Variants in NAV1 observed in about 807,000 individuals in gnomAD.
NAV1 encodes neuron navigator 1.
Under a neutral mutation model 175.2 loss-of-function variants are expected in NAV1, and 18 were observed. That is an observed-to-expected ratio of 0.10 (90% CI 0.07 to 0.15). The LOEUF is 0.15. Among genes scored for constraint, NAV1 ranks in the 10% least tolerant of loss-of-function variants. The pLI is 1.00. For synonymous variants in NAV1, 897 were observed against 978.7 expected (o/e 0.92, Z 1.56); for missense variants, 1,731 against 2,436.6 (o/e 0.71, Z 6.10).
intron 2 of NAV1, among the ~76,000 whole-genome samples, chr1:201,602,072 A>G (rs1667530727): frequency 6.6e-6 from 1 of 151,868 alleles, no homozygotes; most frequent in African/African-American, 2.4e-5. Flanking sequence ...GGTTTTTCAA[A>G]AGTCCACCTT....
chr1:201,590,809 G>A (rs1318089845), intron 2 of NAV1, among the ~76,000 whole-genome samples: 1 of 152,182 alleles, frequency 6.6e-6, no homozygotes, highest in African/African-American at 2.4e-5. Context: ...GGGAAGGAGT[G>A]GCTGTGTGGA....
chr1:201,691,805 A>G (rs1363196259), intron 1 of NAV1, among the ~76,000 whole-genome samples: 1 of 152,224 alleles, frequency 6.6e-6, no homozygotes, highest in Non-Finnish European at 1.5e-5. Flanking sequence ...CCTGATAAAC[A>G]TGGCCATGGT....
At chr1:201,728,611 A>AAG in intron 3 of NAV1, among the ~76,000 whole-genome samples, 1 of 151,760 alleles carries the variant, frequency 6.6e-6, no homozygotes, top group East Asian at 1.9e-4. Context: ...AAAAAAAAAA[A>AAG]AAAAGAAAAG....
At chr1:201,572,647 C>T (rs1484559326) in intron 1 of NAV1, among the ~76,000 whole-genome samples, 1 of 152,022 alleles carries the variant, frequency 6.6e-6, no homozygotes, top group African/African-American at 2.4e-5. Flanking sequence ...GGATTACAGG[C>T]GTGAGCCACC....
chr1:201,783,484 A>G (rs1676475161), exon 7 of NAV1: 1 of 1,614,194 alleles, frequency 6.2e-7, no homozygotes, highest in Non-Finnish European at 8.5e-7. Context: ...TGGATCTACC[A>G]TCATCCAGTG....
chr1:201,705,442 TGCCATTGAGC>T (rs1445516078), intron 1 of NAV1, among the ~76,000 whole-genome samples: 1 of 151,954 alleles, frequency 6.6e-6, no homozygotes, highest in Admixed American at 6.6e-5. Flanking sequence ...ACAACAGGAG[TGCCATTGAGC>T]GCTGGGCTCC....
At chr1:201,704,859 G>C (rs894755803) in intron 1 of NAV1, among the ~76,000 whole-genome samples, 1 of 152,210 alleles carries the variant, frequency 6.6e-6, no homozygotes, top group African/African-American at 2.4e-5. Context: ...AAGCTGGGTA[G>C]GGGCTTGGGT....
intron 1 of NAV1, among the ~76,000 whole-genome samples, chr1:201,686,554 T>C (rs529080792): frequency 6.6e-6 from 1 of 152,310 alleles, no homozygotes; most frequent in African/African-American, 2.4e-5. Context: ...CTCTAGTGTG[T>C]CCCAGACATT....
At chr1:201,556,463 C>T (rs1304031265) in intron 1 of NAV1, among the ~76,000 whole-genome samples, 1 of 151,638 alleles carries the variant, frequency 6.6e-6, no homozygotes, top group Non-Finnish European at 1.5e-5. Context: ...CCAGTGATTA[C>T]ACCCCAGTTG....
upstream of NAV1, among the ~76,000 whole-genome samples, chr1:201,644,236 T>C (rs1668901437): frequency 6.6e-6 from 1 of 152,142 alleles, no homozygotes; most frequent in Non-Finnish European, 1.5e-5. Flanking sequence ...AGCCTGTCAT[T>C]CTAGAGAAGG....
rs1471766252 is a variant in NAV1 at position 201,782,638 on chromosome 1, G to A, written c.2126G>A (p.Gly709Asp). ...AGTCTCCTCAGCACCAAGCAGGGAG[G>A]CCTTACGCCTTCCAGACTGAAGGAG... The change falls in exon 6 of 30, where the codon GGC (glycine) becomes GAC (aspartate). Residue 709 changes from glycine to aspartate, a missense_variant. Gly to Asp is a moderately conservative substitution (Grantham distance 94). Around this residue, in one of 13 missense-constraint regions of NAV1, gnomAD observed 634 missense variants for 766.8 expected, o/e 0.83. Transcript: ENST00000367296. This position sits in a 1 kb window ranked among gnomAD's most constrained non-coding sequence, Gnocchi z 5.4. 1 of 1,614,082 alleles carries A rather than the reference G, an allele frequency of 6.2e-7. No homozygotes were observed. The highest frequency in any genetic ancestry group is 8.5e-7 in the Non-Finnish European group (1 of 1,180,014).
At chr1:201,802,305 CAAAAAAAAAAAAAA>C (rs34854602) in intron 15 of NAV1, among the ~76,000 whole-genome samples, 2 of 40,056 alleles carry the variant, frequency 5.0e-5, no homozygotes, top group African/African-American at 2.1e-4. Context: ...AACACCTTCT[CAAAAAAAAAAAAAA>C]AAAAAAAAAG....
At chr1:201,677,250 CA>C (rs3053786) in intron 1 of NAV1, among the ~76,000 whole-genome samples, 50,349 of 109,672 alleles carry the variant, frequency 0.46, 10,113 homozygotes, top group South Asian at 0.72. Flanking sequence ...GACTCCATCT[CA>C]AAAAAAAAAA....
chr1:201,810,168 A>T lies in NAV1; in HGVS notation c.4561+63A>T, dbSNP rs1678600435. 8.2e-6 allele frequency: 13 copies of T among 1,578,610 alleles called. No homozygotes were observed. Among genetic ancestry groups the T allele is most frequent in the Non-Finnish European group, 1.1e-5 (13 of 1,156,260 alleles). Reference sequence around the variant, plus strand: ...GAAGGCAGGGACAGGATCATCAAATAATCCATCATGCATTCATTCACCAAG... The same window carrying T: ...GAAGGCAGGGACAGGATCATCAAATTATCCATCATGCATTCATTCACCAAG... On this transcript the variant is annotated intron_variant, in intron 23 of 29. Transcript: ENST00000367296. This position sits in a 1 kb window ranked among gnomAD's most constrained non-coding sequence, Gnocchi z 6.0.
chr1:201,553,135 G>A (rs1184975689), intron 1 of NAV1, among the ~76,000 whole-genome samples: 6 of 152,240 alleles, frequency 3.9e-5, no homozygotes, highest in Non-Finnish European at 8.8e-5. Flanking sequence ...CAAAATATAT[G>A]GTAAGGTGGG....
intron 1 of NAV1, among the ~76,000 whole-genome samples, chr1:201,704,849 A>C (rs761026195): frequency 3.9e-5 from 6 of 152,202 alleles, no homozygotes; most frequent in Non-Finnish European, 7.3e-5. Context: ...CAGACTGTCA[A>C]AGCTGGGTAG....
rs780666665 is a variant in NAV1 at position 201,718,762 on chromosome 1, G to T, written c.1226+7G>T. ...ATGATGACATCACTACCGGGTAAGC[G>T]CAGGGGCTTCTTGGATGGCGGGGGA... is the stretch of plus-strand genomic sequence containing the variant. On this transcript the variant is annotated splice_region_variant and intron_variant, in intron 3 of 29. Transcript: ENST00000367296. This position sits in a 1 kb window ranked among gnomAD's most constrained non-coding sequence, Gnocchi z 4.8. The T allele has an allele frequency of 1.3e-6, 2 of 1,591,332 alleles. No individual in the cohort carries two copies. The highest frequency in any genetic ancestry group is 2.3e-5 in the East Asian group (1 of 44,356).
At chr1:201,698,954 C>T (rs115775020) in intron 1 of NAV1, among the ~76,000 whole-genome samples, 1,814 of 152,302 alleles carry the variant, frequency 0.012, 39 homozygotes, top group African/African-American at 0.041. Context: ...AACCTGAAGA[C>T]GGGCCCGCTC....
intron 1 of NAV1, among the ~76,000 whole-genome samples, chr1:201,572,648 G>A (rs971814000): frequency 1.3e-5 from 2 of 151,974 alleles, no homozygotes; most frequent in South Asian, 2.1e-4. Context: ...GATTACAGGC[G>A]TGAGCCACCG....
Sources: gnomAD v4.1 joint callset for allele counts (sites outside exome capture counted in the v4.1 genomes callset) on GRCh38, gnomAD v4.1.1 for gene constraint, gnomAD v4.1.1 regional missense constraint, Gnocchi (gnomAD v3.1) non-coding constraint, MANE v1.5 for transcripts, NCBI Gene and HGNC (gene_info 2026-07-23, HGNC 2026-07-21) for gene names.